Variants in UBR4 observed in about 807,000 individuals in gnomAD.
The protein encoded by UBR4 is E3 ubiquitin-protein ligase UBR4.
In UBR4, 124 loss-of-function variants were observed where a neutral mutation model predicts 575.6. The ratio of observed to expected loss-of-function variants is 0.22; its 90% CI spans 0.19 to 0.25. The LOEUF is 0.25. UBR4 is among the 10% of genes least tolerant of loss of function. The probability of loss-of-function intolerance (pLI) is 1.00; values close to 1 mark genes in which losing one functional copy is unlikely to be tolerated. For synonymous variants in UBR4, 2,455 were observed against 2,473.7 expected, an observed-to-expected ratio of 0.99 and a Z score of 0.22; for missense variants, 4,818 against 6,478.8, an observed-to-expected ratio of 0.74 and a Z score of 8.80.
Position 19,157,636 on chromosome 1 carries a change from C to A in UBR4, c.5760+179G>T, listed in dbSNP as rs1334929093. 3.3e-5 allele frequency among the ~76,000 whole-genome samples: 5 copies of A among 152,244 alleles called. No homozygotes were observed. The highest frequency in any genetic ancestry group is 5.9e-5 in the Non-Finnish European group (4 of 68,042). Reference sequence around the variant, plus strand: ...TAGTCATACCAGCTCTAGGTCTAATCAAATCAATTCAGGGTTCAAGTATTT... The same window carrying A: ...TAGTCATACCAGCTCTAGGTCTAATAAAATCAATTCAGGGTTCAAGTATTT... On this transcript the variant is annotated intron_variant, in intron 40 of 105. Transcript: ENST00000375254. The surrounding 1 kb of genome is among the most constrained non-coding windows in gnomAD (Gnocchi z 4.4).
At chr1:19,077,593 C>T (rs985885111) in intron 104 of UBR4, among the ~76,000 whole-genome samples, 1 of 152,086 alleles carries the variant, frequency 6.6e-6, no homozygotes, top group Non-Finnish European at 1.5e-5. Flanking sequence ...ATTAGCCGGG[C>T]GTGGTGGTGC....
At position 19,093,348 on chromosome 1, in the gene UBR4, A is replaced by G. The variant is rs1466533122; in HGVS notation, c.14076T>C (p.Leu4692=). 3 of 1,614,114 alleles carry G rather than the reference A, an allele frequency of 1.9e-6. No individual in the cohort carries two copies. Among genetic ancestry groups the G allele is most frequent in the Admixed American group, 1.7e-5 (1 of 60,036 alleles). Residue 4692 remains leucine (L), a synonymous_variant, in exon 96 of 106, where the codon CTT becomes CTC. Coordinates refer to ENST00000375254, the MANE Select transcript of UBR4 (RefSeq NM_020765.3). This position sits in a 1 kb window ranked among gnomAD's most constrained non-coding sequence, Gnocchi z 4.8. ...ILQKGITQNA[L]DYMKKHIPSA... is the part of the protein sequence containing the mutation. The stretch of plus-strand genomic sequence containing the variant: ...TAGGGATGTGCTTTTTCATGTAGTC[A>G]AGTGCATTCTGGGTGATCCCCTTCT...
intron 92 of UBR4, among the ~76,000 whole-genome samples, chr1:19,096,174 G>A (rs1346068282): frequency 6.6e-6 from 1 of 152,110 alleles, no homozygotes; most frequent in East Asian, 1.9e-4. Flanking sequence ...AGATTAGTTG[G>A]ATGAATACCC....
intron 53 of UBR4, among the ~76,000 whole-genome samples, chr1:19,145,553 T>C (rs2084750711): frequency 8.2e-6 from 1 of 121,678 alleles, no homozygotes; most frequent in Non-Finnish European, 1.7e-5. Context: ...AGTGCCTCTT[T>C]ATGTAAAATA....
chr1:19,168,048 C>T lies in UBR4; in HGVS notation c.3878G>A (p.Arg1293Lys). 1 of 1,612,962 alleles carries T rather than the reference C, an allele frequency of 6.2e-7. No homozygotes were observed. The highest frequency in any genetic ancestry group is 8.5e-7 in the Non-Finnish European group (1 of 1,179,232). Residue 1293 changes from arginine (R) to lysine (K), a missense_variant, in exon 28 of 106, where the codon AGG (arginine) becomes AAG (lysine). Arg to Lys is a conservative substitution (Grantham distance 26). Coordinates refer to ENST00000375254, the MANE Select transcript of UBR4 (RefSeq NM_020765.3). ...SLKHTLLSLV[R>K]LTGDLIVWSD... is the part of the protein sequence containing the mutation. ...TTACACAATAAGATCTCCAGTCAAC[C>T]TGACCAGTGAGAGGAGGGTATGCTT...
At chr1:19,107,029 C>G (rs1046727881) in intron 81 of UBR4, 63 bp from the exon 82 acceptor site, 29 of 1,588,396 alleles carry the variant, frequency 1.8e-5, no homozygotes, top group Middle Eastern at 2.3e-4. Context: ...ATAGCCCCAA[C>G]AGCATGGCAC....
chr1:19,113,865 T>C (rs778029553), intron 76 of UBR4, 38 bp from the exon 77 acceptor site: 17 of 1,614,160 alleles, frequency 1.1e-5, no homozygotes, highest in Admixed American at 3.3e-5. Context: ...GCTCCCCACC[T>C]AAGGTGATCT....
chr1:19,143,054 C>T (rs1202148516), intron 55 of UBR4, among the ~76,000 whole-genome samples: 1 of 150,092 alleles, frequency 6.7e-6, no homozygotes, highest in Non-Finnish European at 1.5e-5. Flanking sequence ...GGCACCATTG[C>T]ACTCTAGCCT....
intron 11 of UBR4, 40 bp from the exon 12 acceptor site, chr1:19,187,580 T>C: frequency 6.3e-7 from 1 of 1,589,818 alleles, no homozygotes; most frequent in Non-Finnish European, 8.6e-7. Flanking sequence ...TTAAAATAAT[T>C]AACAATAAAT....
intron 48 of UBR4, 148 bp from the exon 49 acceptor site, chr1:19,150,941 CT>C: frequency 2.5e-6 from 2 of 807,614 alleles, no homozygotes; most frequent in South Asian, 3.5e-5. Flanking sequence ...ATTTGCAGCA[CT>C]TTAATCGTGT....
intron 3 of UBR4, 33 bp downstream of exon 3, chr1:19,199,618 G>C: frequency 6.2e-7 from 1 of 1,602,798 alleles, no homozygotes; most frequent in Non-Finnish European, 8.5e-7. Context: ...CACTGCTTCA[G>C]AATAGGGCAA....
chr1:19,139,145 C>G lies in UBR4; in HGVS notation c.8669G>C (p.Gly2890Ala), dbSNP rs2083539426. 15 of 1,613,916 alleles carry G rather than the reference C, an allele frequency of 9.3e-6. No homozygotes were observed. Among genetic ancestry groups the G allele is most frequent in the African/African-American group, 2.7e-5 (2 of 74,902 alleles). The stretch of plus-strand genomic sequence containing the variant: ...CCCGCTCTCCGAGCCCACACTACCA[C>G]CGTGGTCAGCAGGAGAGGTCCGAAG... ...STLRTSPADH[G>A]GSVGSESGGS... is the part of the protein sequence containing the mutation. The change falls in exon 59 of 106, where the codon GGT (glycine) becomes GCT (alanine). Residue 2890 changes from glycine to alanine, a missense_variant. By Grantham distance (60) the Gly-to-Ala change is moderately conservative. Transcript: ENST00000375254. This position sits in a 1 kb window ranked among gnomAD's most constrained non-coding sequence, Gnocchi z 4.2.
At chr1:19,086,079 T>G (rs922953424) in intron 101 of UBR4, 66 bp downstream of exon 101, 1 of 1,577,650 alleles carries the variant, frequency 6.3e-7, no homozygotes, top group Non-Finnish European at 8.6e-7. Context: ...ATTGGGCTGA[T>G]AGCGGGTCTT....
chr1:19,130,086 T>C (rs996389001), intron 60 of UBR4, among the ~76,000 whole-genome samples: 3 of 152,142 alleles, frequency 2.0e-5, no homozygotes, highest in African/African-American at 7.2e-5. Flanking sequence ...GACATGGTGG[T>C]GTGCCTATCA....
intron 22 of UBR4, among the ~76,000 whole-genome samples, chr1:19,173,833 C>T (rs1427659184): frequency 2.0e-5 from 3 of 152,216 alleles, no homozygotes; most frequent in African/African-American, 4.8e-5. Flanking sequence ...TAATTTGTTC[C>T]GTATTCTGCA....
intron 82 of UBR4, 27 bp from the exon 83 acceptor site, chr1:19,106,753 G>A (rs2079245737): frequency 1.3e-6 from 2 of 1,598,372 alleles, no homozygotes; most frequent in Admixed American, 1.7e-5. Context: ...TGCAGGGGTA[G>A]TAGGTAAGTA....
chr1:19,113,312 T>C (rs1013239489), intron 77 of UBR4: 8 of 266,204 alleles, frequency 3.0e-5, no homozygotes, highest in African/African-American at 1.8e-4. Flanking sequence ...CCCTGGTTGA[T>C]TGCAGTTGGT....
intron 105 of UBR4, chr1:19,075,210 T>G: frequency 2.8e-6 from 1 of 355,786 alleles, no homozygotes; most frequent in Non-Finnish European, 5.4e-6. Context: ...AAACCTGACC[T>G]AGGAGTGGAA....
In UBR4 at chr1:19,086,834, C is replaced by T. The variant is rs1448070964; in HGVS notation, c.14545-13G>A. The stretch of plus-strand genomic sequence containing the variant: ...GGACCTTTGTGGGCTGCAAAGACGA[C>T]AACATAAGGAGAGGGGAGGAGAAAC... On this transcript the variant is annotated splice_polypyrimidine_tract_variant and intron_variant, in intron 99 of 105. Transcript: ENST00000375254. 1.2e-6 allele frequency: 2 copies of T among 1,613,416 alleles called. No homozygotes were observed. The highest frequency in any genetic ancestry group is 1.1e-5 in the South Asian group (1 of 91,026).
Sources: allele counts gnomAD v4.1 joint callset (sites outside exome capture counted in the v4.1 genomes callset), GRCh38; gene constraint gnomAD v4.1.1; non-coding constraint Gnocchi (gnomAD v3.1); transcripts MANE v1.5; gene names NCBI Gene and HGNC (gene_info 2026-07-23, HGNC 2026-07-21).